Variants in ASB3 observed in about 807,000 individuals in gnomAD.
ASB3 encodes the protein ankyrin repeat and SOCS box containing 3, also known as ankyrin repeat and SOCS box protein 3.
In ASB3, 41 loss-of-function variants were observed where a neutral mutation model predicts 54.5. The observed-to-expected ratio is 0.75, with a 90% CI of 0.59 to 0.98. The LOEUF (loss-of-function observed/expected upper bound fraction) is 0.98, where lower values mean the gene tolerates loss of function less well. Among genes scored for constraint, ASB3 ranks in the 50% least tolerant of loss-of-function variants. ASB3 has a pLI of 0.00. For synonymous variants in ASB3, 266 were observed against 221.2 expected (o/e 1.20, Z -1.80); for missense variants, 733 against 620.0 (o/e 1.18, Z -1.94).
At chr2:53,753,125 GA>G (rs1464424530) in intron 2 of ASB3, among the ~76,000 whole-genome samples, 1 of 151,912 alleles carries the variant, frequency 6.6e-6, no homozygotes, top group Non-Finnish European at 1.5e-5. Context: ...GAATCTAATT[GA>G]ATTACAAATA....
At chr2:53,727,165 A>G (rs1671048703) in intron 5 of ASB3, among the ~76,000 whole-genome samples, 1 of 152,166 alleles carries the variant, frequency 6.6e-6, no homozygotes, top group Non-Finnish European at 1.5e-5. Context: ...TCTTAATCTA[A>G]AAACGATTAT....
intron 9 of ASB3, among the ~76,000 whole-genome samples, chr2:53,674,330 C>T (rs1295048011): frequency 6.6e-6 from 1 of 152,158 alleles, no homozygotes; most frequent in Non-Finnish European, 1.5e-5. Flanking sequence ...CTTAGTTTAT[C>T]CATAGATCTA....
At chr2:53,737,883 C>G (rs184203783) in intron 3 of ASB3, among the ~76,000 whole-genome samples, 5 of 152,184 alleles carry the variant, frequency 3.3e-5, no homozygotes, top group Admixed American at 3.3e-4. Context: ...TGAACACTGT[C>G]CTATTTACTC....
intron 2 of ASB3, among the ~76,000 whole-genome samples, chr2:53,759,141 G>A (rs1673000044): frequency 6.6e-6 from 1 of 152,218 alleles, no homozygotes; most frequent in East Asian, 1.9e-4. Context: ...GATGACAACA[G>A]AAGAAAGAGA....
intron 4 of ASB3, 82 bp downstream of exon 4, chr2:53,729,376 G>A: frequency 7.0e-7 from 1 of 1,419,430 alleles, no homozygotes; most frequent in South Asian, 1.2e-5. Context: ...CAAGCAGAAA[G>A]CAAAAACTGC....
At chr2:53,773,634 T>C (rs1291472851) in intron 1 of ASB3, among the ~76,000 whole-genome samples, 2 of 151,914 alleles carry the variant, frequency 1.3e-5, no homozygotes, top group Non-Finnish European at 2.9e-5. Context: ...TTTCACCATC[T>C]TGGCCAGGCT....
intron 1 of ASB3, among the ~76,000 whole-genome samples, chr2:53,770,254 A>G (rs1219542830): frequency 6.6e-6 from 1 of 152,198 alleles, no homozygotes; most frequent in Admixed American, 6.5e-5. Context: ...GGAAAATTAA[A>G]TGAGAAATCA....
intron 3 of ASB3, among the ~76,000 whole-genome samples, chr2:53,745,866 TC>T (rs1455011780): frequency 6.6e-6 from 1 of 152,230 alleles, no homozygotes; most frequent in Non-Finnish European, 1.5e-5. Context: ...TCACTTTAAG[TC>T]CAACTAGTCC....
chr2:53,742,606 G>C (rs1339767406), intron 3 of ASB3, among the ~76,000 whole-genome samples: 1 of 151,716 alleles, frequency 6.6e-6, no homozygotes. Context: ...ATGGCTGACA[G>C]GAAATGATAT....
chr2:53,709,517 G>T (rs970430560), intron 7 of ASB3, among the ~76,000 whole-genome samples: 1 of 152,178 alleles, frequency 6.6e-6, no homozygotes, highest in Non-Finnish European at 1.5e-5. Context: ...TCTAAAGAAA[G>T]TTAGTATAAG....
At chr2:53,758,098 C>A (rs537152356) in intron 2 of ASB3, among the ~76,000 whole-genome samples, 1 of 152,250 alleles carries the variant, frequency 6.6e-6, no homozygotes, top group South Asian at 2.1e-4. Flanking sequence ...CTTTAAAAGC[C>A]AGGGTAAATT....
chr2:53,744,733 T>G (rs1313765730), intron 3 of ASB3, among the ~76,000 whole-genome samples: 2 of 152,232 alleles, frequency 1.3e-5, no homozygotes, highest in Admixed American at 6.5e-5. Context: ...AATAGCCTTA[T>G]GAATGATCAC....
intron 9 of ASB3, among the ~76,000 whole-genome samples, chr2:53,678,179 T>A (rs1482564267): frequency 6.6e-6 from 1 of 152,062 alleles, no homozygotes; most frequent in African/African-American, 2.4e-5. Flanking sequence ...GCCTAAAATT[T>A]ACTATCTTGG....
In ASB3 at chr2:53,716,845, A is replaced by G. The variant is rs980619772; in HGVS notation, c.605-102T>C. 3.9e-6 allele frequency: 5 copies of G among 1,275,228 alleles called. No homozygotes were observed. The African/African-American group carries it at 7.5e-5, about 19-fold the overall frequency. The allele number at this position is 1,275,228 out of a possible 1,614,324, so 79.0% of individuals were successfully genotyped here. ...CATAAAAGGGTTTCGTAGCACGGTAAGCTTTTCCCTCTTCACTGAATGTTG... is the reference window on the plus strand; with the variant it reads ...CATAAAAGGGTTTCGTAGCACGGTAGGCTTTTCCCTCTTCACTGAATGTTG... On this transcript the variant is annotated intron_variant, in intron 5 of 9. Transcript: ENST00000263634.
Position 53,714,595 on chromosome 2 carries a change from A to T in ASB3, c.783-14T>A, listed in dbSNP as rs1255133458. 9.9e-6 allele frequency: 16 copies of T among 1,612,002 alleles called. No homozygotes were observed. Among genetic ancestry groups the T allele is most frequent in the Non-Finnish European group, 1.4e-5 (16 of 1,178,950 alleles). The stretch of plus-strand genomic sequence containing the variant: ...AAGTCCAAGATTCTATAAATACACA[A>T]ATTCAGGAGAATTTAGTGTTTGTAT... On this transcript the variant is annotated splice_polypyrimidine_tract_variant and intron_variant, in intron 6 of 9. Coordinates refer to ENST00000263634, the MANE Select transcript of ASB3 (RefSeq NM_016115.5).
At position 53,765,457 on chromosome 2, in the gene ASB3, G is replaced by A. The variant is rs2104094570; in HGVS notation, c.116C>T (p.Ala39Val). The A allele has an allele frequency of 1.2e-6, 2 of 1,614,180 alleles. No homozygotes were observed. The highest frequency in any genetic ancestry group is 2.2e-5 in the East Asian group (1 of 44,886). Residue 39 changes from alanine (A) to valine (V), a missense_variant, in exon 2 of 10, where the codon GCT becomes GTT. Physicochemically the swap from Ala to Val is moderately conservative, Grantham distance 64. Coordinates refer to ENST00000263634, the MANE Select transcript of ASB3 (RefSeq NM_016115.5). ...AATTGGCATCCATCCCCTGTTATCA[G>A]CAACATCGACACTTCGGCCCTTTTT... ...LLKKGRSVDV[A>V]DNRGWMPIHE...
chr2:53,782,488 A>G (rs903729896), intron 1 of ASB3, among the ~76,000 whole-genome samples: 1 of 152,196 alleles, frequency 6.6e-6, no homozygotes. Flanking sequence ...AATTATTATA[A>G]TATTTATATG....
chr2:53,727,695 A>C (rs1271600013), intron 5 of ASB3, among the ~76,000 whole-genome samples: 1 of 152,048 alleles, frequency 6.6e-6, no homozygotes, highest in Non-Finnish European at 1.5e-5. Context: ...TATTTAAAGG[A>C]AGTTTATAAA....
In ASB3 at chr2:53,729,582, C is replaced by G. The variant is rs200919329; in HGVS notation, c.356-12G>C. ...TCCATTTTCAACAGCTGTAATACAG[C>G]AGTTAGAAAAATTAATGTCAGCAAA... On this transcript the variant is annotated splice_polypyrimidine_tract_variant and intron_variant, in intron 3 of 9. Coordinates refer to ENST00000263634, the MANE Select transcript of ASB3 (RefSeq NM_016115.5). 1 of 1,612,052 alleles carries G rather than the reference C, an allele frequency of 6.2e-7. No homozygotes were observed. Among genetic ancestry groups the G allele is most frequent in the East Asian group, 2.2e-5 (1 of 44,830 alleles).
Sources: gnomAD v4.1 joint callset for allele counts (sites outside exome capture counted in the v4.1 genomes callset) on GRCh38, gnomAD v4.1.1 for gene constraint, MANE v1.5 for transcripts, NCBI Gene and HGNC (gene_info 2026-07-23, HGNC 2026-07-21) for gene names.